FHIT: variants seen among roughly 807,000 people sequenced by gnomAD.
FHIT encodes bis(5'-adenosyl)-triphosphatase.
A neutral mutation model predicts 17.9 loss-of-function variants in FHIT; 19 were observed. The observed-to-expected ratio is 1.06, with a 90% CI of 0.74 to 1.56. FHIT has a LOEUF of 1.56. FHIT is among the 40% of genes most tolerant of loss of function. The probability of loss-of-function intolerance (pLI) is 0.00; values close to 1 mark genes in which losing one functional copy is unlikely to be tolerated. For synonymous variants in FHIT, 81 were observed against 69.7 expected (o/e 1.16, Z -0.81); for missense variants, 248 against 189.2 (o/e 1.31, Z -1.82).
At chr3:60,375,802 G>A (rs545461740) in intron 5 of FHIT, among the ~76,000 whole-genome samples, 107 of 152,040 alleles carry the variant, frequency 7.0e-4, no homozygotes, top group African/African-American at 2.5e-3. Context: ...TCTGTAGAAA[G>A]ACCTTCCCAG....
intron 4 of FHIT, among the ~76,000 whole-genome samples, chr3:60,671,517 C>T (rs2040503668): frequency 6.6e-6 from 1 of 151,990 alleles, no homozygotes; most frequent in South Asian, 2.1e-4. Flanking sequence ...GGTGGTTACA[C>T]AGGGTGTTCA....
At chr3:60,057,869 T>C (rs1702143286) in intron 5 of FHIT, among the ~76,000 whole-genome samples, 2 of 152,052 alleles carry the variant, frequency 1.3e-5, no homozygotes, top group South Asian at 2.1e-4. Context: ...CATAGTCTGG[T>C]TTTGGTCAGG....
intron 8 of FHIT, among the ~76,000 whole-genome samples, chr3:59,886,928 G>A (rs1703649123): frequency 6.6e-6 from 1 of 152,158 alleles, no homozygotes. Context: ...AAATGGTGCT[G>A]CAGGGCTACC....
At chr3:60,868,466 A>C (rs1280589593) in intron 3 of FHIT, among the ~76,000 whole-genome samples, 2 of 152,042 alleles carry the variant, frequency 1.3e-5, no homozygotes, top group Non-Finnish European at 2.9e-5. Context: ...TTCTCTTCCT[A>C]GTTGTTTGTG....
intron 3 of FHIT, among the ~76,000 whole-genome samples, chr3:60,914,100 A>AC (rs782242699): frequency 4.6e-5 from 7 of 152,184 alleles, no homozygotes; most frequent in Non-Finnish European, 5.9e-5. Context: ...CAGACAAGCT[A>AC]CCACAGAGTA....
At chr3:60,296,211 G>A (rs1198177784) in intron 5 of FHIT, among the ~76,000 whole-genome samples, 1 of 152,018 alleles carries the variant, frequency 6.6e-6, no homozygotes, top group Non-Finnish European at 1.5e-5. Context: ...GACTAATATA[G>A]AGGGGAAGGG....
chr3:60,321,254 C>G (rs1221975325), intron 5 of FHIT, among the ~76,000 whole-genome samples: 2 of 152,080 alleles, frequency 1.3e-5, no homozygotes, highest in African/African-American at 4.8e-5. Context: ...CTGGGGCAGG[C>G]AGATCACTTG....
intron 5 of FHIT, among the ~76,000 whole-genome samples, chr3:60,147,991 C>G (rs1410950660): frequency 2.6e-5 from 4 of 152,110 alleles, no homozygotes; most frequent in Admixed American, 2.6e-4. Flanking sequence ...GGGGTTTCCT[C>G]ACAGGGGTTT....
intron 5 of FHIT, among the ~76,000 whole-genome samples, chr3:60,153,279 G>A (rs1420874923): frequency 4.0e-5 from 6 of 149,854 alleles, no homozygotes; most frequent in Non-Finnish European, 4.4e-5. Flanking sequence ...TTTTCTCATG[G>A]CCTCTTCAAA....
intron 3 of FHIT, among the ~76,000 whole-genome samples, chr3:60,830,681 G>C (rs1702298572): frequency 6.6e-6 from 1 of 152,118 alleles, no homozygotes; most frequent in Non-Finnish European, 1.5e-5. Context: ...CATTAGGAGA[G>C]CAAAAAGCTA....
intron 5 of FHIT, among the ~76,000 whole-genome samples, chr3:60,331,310 A>G (rs1284895571): frequency 2.0e-5 from 3 of 151,904 alleles, no homozygotes; most frequent in Non-Finnish European, 4.4e-5. Flanking sequence ...ATGGGTGGAT[A>G]TAGGTTCCCC....
intron 4 of FHIT, among the ~76,000 whole-genome samples, chr3:60,720,444 C>T (rs1170617048): frequency 6.6e-6 from 1 of 152,132 alleles, no homozygotes; most frequent in Non-Finnish European, 1.5e-5. Flanking sequence ...GGATTGAAAC[C>T]TGTAAATCAT....
At chr3:61,179,765 T>A (rs1387264517) in intron 2 of FHIT, among the ~76,000 whole-genome samples, 1 of 110,100 alleles carries the variant, frequency 9.1e-6, no homozygotes, top group Non-Finnish European at 2.0e-5. Context: ...TTCAAAAACA[T>A]GGTAAAACCA....
chr3:60,154,054 CT>C (rs995975581), intron 5 of FHIT, among the ~76,000 whole-genome samples: 2 of 152,194 alleles, frequency 1.3e-5, no homozygotes, highest in African/African-American at 4.8e-5. Context: ...AAGGCACCTT[CT>C]TTGTTTAGGG....
At chr3:59,844,976 T>C (rs962392484) in intron 8 of FHIT, among the ~76,000 whole-genome samples, 2 of 152,194 alleles carry the variant, frequency 1.3e-5, no homozygotes, top group Admixed American at 1.3e-4. Flanking sequence ...ATCTCCTTAC[T>C]AGTTTTAGGT....
intron 5 of FHIT, among the ~76,000 whole-genome samples, chr3:60,094,204 T>C (rs1703846454): frequency 6.6e-6 from 1 of 152,226 alleles, no homozygotes; most frequent in Admixed American, 6.5e-5. Flanking sequence ...GTTACATTTT[T>C]TTATATTTGA....
At chr3:60,464,501 C>T (rs375755120) in intron 5 of FHIT, among the ~76,000 whole-genome samples, 3 of 151,814 alleles carry the variant, frequency 2.0e-5, no homozygotes, top group African/African-American at 7.3e-5. Context: ...AACCATCTCC[C>T]CCTCCCCAAC....
intron 8 of FHIT, among the ~76,000 whole-genome samples, chr3:59,769,459 G>A (rs1701966344): frequency 6.6e-6 from 1 of 152,192 alleles, no homozygotes. Flanking sequence ...CTCATTGTGT[G>A]CACTCTTCTA....
At chr3:60,279,262 C>A (rs907137542) in intron 5 of FHIT, among the ~76,000 whole-genome samples, 1 of 152,102 alleles carries the variant, frequency 6.6e-6, no homozygotes, top group African/African-American at 2.4e-5. Context: ...ATGAACAACT[C>A]TGTGATCTCA....
Sources: gnomAD v4.1 joint callset for allele counts (sites outside exome capture counted in the v4.1 genomes callset) on GRCh38, gnomAD v4.1.1 for gene constraint, MANE v1.5 for transcripts, NCBI Gene and HGNC (gene_info 2026-07-23, HGNC 2026-07-21) for gene names.